Variants in DHRS9 observed in about 807,000 individuals in gnomAD.
The protein encoded by DHRS9 is dehydrogenase/reductase SDR family member 9.
DHRS9 carries 18 observed loss-of-function variants against 26.6 expected under a neutral mutation model. The ratio of observed to expected loss-of-function variants is 0.68; its 90% CI spans 0.47 to 1.00. DHRS9 has a LOEUF of 1.00. DHRS9 is among the 50% of genes least tolerant of loss of function. DHRS9 has a pLI of 0.00. For synonymous variants in DHRS9, 134 were observed against 141.1 expected, an observed-to-expected ratio of 0.95 and a Z score of 0.36; for missense variants, 425 against 378.7, an observed-to-expected ratio of 1.12 and a Z score of -1.01.
At chr2:169,095,255 CCCA>C (rs1489057686) in intron 4 of DHRS9, among the ~76,000 whole-genome samples, 1 of 152,024 alleles carries the variant, frequency 6.6e-6, no homozygotes, top group Non-Finnish European at 1.5e-5. Flanking sequence ...ATTCTTGGGC[CCCA>C]CCTCATACCT....
rs1346804584 is a variant in DHRS9, at chr2:169,089,648, C to T, written c.573-2142C>T. On this transcript the variant is annotated intron_variant, in intron 3 of 4. Coordinates refer to ENST00000674881, the MANE Select transcript of DHRS9 (RefSeq NM_001376924.1). Reference sequence around the variant, plus strand: ...TACTAATAAAAGGTTAAAATTACTCCACTGAAATTAATAAAGATAGAGCAA... The same window carrying T: ...TACTAATAAAAGGTTAAAATTACTCTACTGAAATTAATAAAGATAGAGCAA... Among the ~76,000 whole-genome samples the T allele has an allele frequency of 2.6e-5, 4 of 152,146 alleles. No homozygotes were observed. The East Asian group carries it at 7.7e-4, about 29-fold the overall frequency.
At chr2:169,078,036 C>G (rs1384075186) in intron 1 of DHRS9, among the ~76,000 whole-genome samples, 1 of 152,248 alleles carries the variant, frequency 6.6e-6, no homozygotes, top group Non-Finnish European at 1.5e-5. Flanking sequence ...AGCTTGGACA[C>G]TTCTCAGCCC....
rs1684189843 is a variant in DHRS9 at position 169,081,676 on chromosome 2, T to C, written c.95T>C (p.Ile32Thr). ...LKIEDITDKYIFITGCDSGFG... is the reference protein window; with the variant it reads ...LKIEDITDKYTFITGCDSGFG... ...ATTGAAGACATCACTGATAAGTACA[T>C]TTTTATCACTGGATGTGACTCGGGC... The change falls in exon 2 of 5, where the codon ATT (isoleucine) becomes ACT (threonine). Residue 32 changes from isoleucine (I) to threonine (T), a missense_variant. Physicochemically the swap from Ile to Thr is moderately conservative, Grantham distance 89 (BLOSUM62 -1). Transcript: ENST00000674881. 1 of 1,614,208 alleles carries C rather than the reference T, an allele frequency of 6.2e-7. No individual in the cohort carries two copies. The highest frequency in any genetic ancestry group is 8.5e-7 in the Non-Finnish European group (1 of 1,180,036).
intron 3 of DHRS9, among the ~76,000 whole-genome samples, chr2:169,084,099 T>C (rs573454241): frequency 6.6e-6 from 1 of 152,362 alleles, no homozygotes; most frequent in East Asian, 1.9e-4. Context: ...ACTTCGTTTT[T>C]CTGTGCCTGG....
intron 1 of DHRS9, chr2:169,074,495 G>C: frequency 1.0e-6 from 1 of 974,778 alleles, no homozygotes; most frequent in Non-Finnish European, 1.2e-6. Context: ...TGAATTGTTG[G>C]GACCAAGGGG....
chr2:169,095,996 C>T lies in DHRS9; in HGVS notation c.*229C>T, dbSNP rs1250912484. On this transcript the variant is annotated 3_prime_UTR_variant, in exon 5 of 5. Transcript: ENST00000674881. ...GTACATCACATAGGCAAGTCCTGCCCTGTATTTAGGCTTTGCCTGCTTGGT... is the reference window on the plus strand; with the variant it reads ...GTACATCACATAGGCAAGTCCTGCCTTGTATTTAGGCTTTGCCTGCTTGGT... 1.8e-5 allele frequency: 10 copies of T among 562,878 alleles called. 1 individual carries two copies. Among genetic ancestry groups the T allele is most frequent in the South Asian group, 1.3e-4 (6 of 47,030 alleles). 34.9% of individuals were successfully genotyped at this position (562,878 alleles called of 1,614,324 possible).
At chr2:169,071,091 A>C (rs1683792326) in intron 1 of DHRS9, among the ~76,000 whole-genome samples, 1 of 151,692 alleles carries the variant, frequency 6.6e-6, no homozygotes, top group Admixed American at 6.6e-5. Flanking sequence ...ACAACAAAAA[A>C]CTCAGACCTT....
rs747396621 is a variant in DHRS9, at chr2:169,095,811, G to A, written c.*44G>A. On this transcript the variant is annotated 3_prime_UTR_variant, in exon 5 of 5. Transcript: ENST00000674881. ...TCTCCTCCAGGCTATGAAATTGGCCGATTTCAAGAACACATCTCCTTTTCA... is the reference window on the plus strand; with the variant it reads ...TCTCCTCCAGGCTATGAAATTGGCCAATTTCAAGAACACATCTCCTTTTCA... 21 of 1,546,768 alleles carry A rather than the reference G, an allele frequency of 1.4e-5. No individual in the cohort carries two copies. Among genetic ancestry groups the A allele is most frequent in the African/African-American group, 1.1e-4 (8 of 73,322 alleles).
intron 1 of DHRS9, chr2:169,070,793 G>A (rs1317194793): frequency 2.3e-5 from 23 of 983,070 alleles, no homozygotes; most frequent in African/African-American, 7.0e-5. Context: ...GGCCGGGCGC[G>A]GTGGCTCATG....
At chr2:169,081,015 T>C in intron 1 of DHRS9, 1 of 410,120 alleles carries the variant, frequency 2.4e-6, no homozygotes. Context: ...GGGAATATCT[T>C]AGTGGCAACA....
upstream of DHRS9, among the ~76,000 whole-genome samples, chr2:169,068,376 G>A (rs1206639497): frequency 6.6e-6 from 1 of 152,200 alleles, no homozygotes; most frequent in African/African-American, 2.4e-5. Context: ...TACCCAGGCT[G>A]GAGGGCAATG....
intron 3 of DHRS9, among the ~76,000 whole-genome samples, chr2:169,084,614 C>T (rs2105294635): frequency 6.6e-6 from 1 of 152,174 alleles, no homozygotes; most frequent in South Asian, 2.1e-4. Context: ...CTTTCATATA[C>T]CTATTTTCCA....
chr2:169,067,171 G>C (rs780362282), upstream of DHRS9: 2 of 1,535,608 alleles, frequency 1.3e-6, no homozygotes, highest in South Asian at 1.2e-5. Context: ...AAGCCACTGT[G>C]CATGCTCTAT....
At chr2:169,081,304 T>A (rs1359338737) in intron 1 of DHRS9, among the ~76,000 whole-genome samples, 1 of 152,204 alleles carries the variant, frequency 6.6e-6, no homozygotes, top group Non-Finnish European at 1.5e-5. Context: ...TCCATTTAAT[T>A]TCTCTGAATA....
intron 3 of DHRS9, among the ~76,000 whole-genome samples, chr2:169,087,701 G>C (rs1684396343): frequency 6.6e-6 from 1 of 152,104 alleles, no homozygotes; most frequent in African/African-American, 2.4e-5. Context: ...TTAGTCAGCA[G>C]GTAATGAATT....
At chr2:169,072,704 T>C (rs1683844013) in intron 1 of DHRS9, 21 of 957,224 alleles carry the variant, frequency 2.2e-5, no homozygotes, top group South Asian at 4.8e-5. Flanking sequence ...AAGACAAAAC[T>C]AGTTCTCCTT....
chr2:169,095,665 T>C lies in DHRS9; in HGVS notation c.858T>C (p.Asp286=). ...AGACTCATTATGCCGCTGGAAAAGATGCCAAAATTTTCTGGATACCTCTGT... is the reference window on the plus strand; with the variant it reads ...AGACTCATTATGCCGCTGGAAAAGACGCCAAAATTTTCTGGATACCTCTGT... ...FPKTHYAAGK[D]AKIFWIPLSH... Residue 286 remains aspartate, a synonymous_variant, in exon 5 of 5, where the codon GAT becomes GAC. Coordinates refer to ENST00000674881, the MANE Select transcript of DHRS9 (RefSeq NM_001376924.1). 6.2e-7 allele frequency: 1 copy of C among 1,614,002 alleles called. No homozygotes were observed. The highest frequency in any genetic ancestry group is 8.5e-7 in the Non-Finnish European group (1 of 1,179,918).
At chr2:169,081,258 T>G in intron 1 of DHRS9, 3 of 841,396 alleles carry the variant, frequency 3.6e-6, no homozygotes, top group Non-Finnish European at 4.7e-6. Flanking sequence ...CTCAATGGCT[T>G]GTGTCAATTT....
At chr2:169,093,986 C>G (rs541698076) in intron 4 of DHRS9, among the ~76,000 whole-genome samples, 64 of 152,278 alleles carry the variant, frequency 4.2e-4, no homozygotes, top group African/African-American at 1.5e-3. Context: ...GATAGCTCTA[C>G]TTTGAATTTG....
Sources: gnomAD v4.1 joint callset for allele counts (sites outside exome capture counted in the v4.1 genomes callset) on GRCh38, gnomAD v4.1.1 for gene constraint, MANE v1.5 for transcripts, NCBI Gene and HGNC (gene_info 2026-07-23, HGNC 2026-07-21) for gene names.